The following IQCM variants were observed in gnomAD, a reference collection of about 807,000 sequenced individuals.
IQCM encodes IQ domain-containing protein M.
Under a neutral mutation model 57.6 loss-of-function variants are expected in IQCM, and 45 were observed. The observed-to-expected ratio is 0.78, with a 90% confidence interval of 0.62 to 1.00. The LOEUF (loss-of-function observed/expected upper bound fraction) is 1.00, where lower values mean the gene tolerates loss of function less well. Ranked by LOEUF, IQCM falls within the 50% of genes least tolerant of loss-of-function variation. The pLI, the probability that IQCM is intolerant of heterozygous loss-of-function variation, is 0.00. For synonymous variants in IQCM, 148 were observed against 158.9 expected (o/e 0.93, Z 0.51); for missense variants, 468 against 511.6 (o/e 0.91, Z 0.82).
intron 2 of IQCM, among the ~76,000 whole-genome samples, chr4:149,805,704 T>C (rs1774015517): frequency 1.3e-5 from 2 of 152,042 alleles, no homozygotes; most frequent in Non-Finnish European, 1.5e-5. Flanking sequence ...AATTTGCAAA[T>C]GGTTAAATAT....
intron 9 of IQCM, among the ~76,000 whole-genome samples, chr4:149,574,322 C>G (rs917671022): frequency 2.0e-5 from 3 of 151,834 alleles, no homozygotes; most frequent in African/African-American, 7.3e-5. Flanking sequence ...TAAAGAGTCT[C>G]CATACAACTC....
At chr4:149,472,726 A>G (rs535905556) in intron 12 of IQCM, among the ~76,000 whole-genome samples, 4 of 152,220 alleles carry the variant, frequency 2.6e-5, no homozygotes, top group Non-Finnish European at 5.9e-5. Flanking sequence ...AAACTATACT[A>G]CAAGGCTACA....
chr4:149,785,829 A>C (rs1772031316), intron 2 of IQCM, among the ~76,000 whole-genome samples: 1 of 151,912 alleles, frequency 6.6e-6, no homozygotes, highest in African/African-American at 2.4e-5. Context: ...TAAAAAAAAA[A>C]AAAAATCTTA....
chr4:149,401,887 G>C (rs951315523), intron 13 of IQCM, among the ~76,000 whole-genome samples: 2 of 151,694 alleles, frequency 1.3e-5, no homozygotes, highest in Non-Finnish European at 3.0e-5. Flanking sequence ...CTAGGATATT[G>C]AGAGCATTTT....
At chr4:149,744,955 A>G (rs2149917102) in intron 2 of IQCM, among the ~76,000 whole-genome samples, 1 of 152,294 alleles carries the variant, frequency 6.6e-6, no homozygotes, top group Middle Eastern at 3.4e-3. Context: ...CGTGAGTACT[A>G]TGAGTTCAAA....
intron 13 of IQCM, among the ~76,000 whole-genome samples, chr4:149,400,167 G>C (rs1732515523): frequency 6.7e-6 from 1 of 149,950 alleles, no homozygotes; most frequent in Admixed American, 6.7e-5. Context: ...AGAAGAGAAT[G>C]TGAGTAGGTT....
chr4:149,482,912 T>A (rs760165167), intron 12 of IQCM, among the ~76,000 whole-genome samples: 1 of 151,832 alleles, frequency 6.6e-6, no homozygotes, highest in Non-Finnish European at 1.5e-5. Flanking sequence ...TTTTCATTAC[T>A]GGTAGATGTT....
intron 13 of IQCM, among the ~76,000 whole-genome samples, chr4:149,388,452 T>C (rs1407214694): frequency 2.0e-5 from 3 of 147,976 alleles, no homozygotes; most frequent in African/African-American, 7.4e-5. Context: ...CTAAAGATAC[T>C]GAGTGTCTTT....
At chr4:149,500,488 G>T (rs981919137) in intron 12 of IQCM, among the ~76,000 whole-genome samples, 3 of 152,124 alleles carry the variant, frequency 2.0e-5, no homozygotes, top group Non-Finnish European at 2.9e-5. Context: ...CTGAAATAGA[G>T]ATGGCTGAGG....
rs1232184725 is a variant in IQCM, at chr4:149,587,979, T to C, written c.700A>G (p.Ile234Val). 1 of 1,224,672 alleles carries C rather than the reference T, an allele frequency of 8.2e-7. No individual in the cohort carries two copies. The highest frequency in any genetic ancestry group is 4.2e-5 in the Admixed American group (1 of 23,578). 75.9% of individuals were successfully genotyped at this position (1,224,672 alleles called of 1,614,324 possible). A position where few individuals can be genotyped will look rare whatever the true frequency, so the allele number is the denominator to read the frequency against. ...DYYSKTFKTL[I>V]KKERQPIKPE... ...TTGATAGGTTGTCGCTCCTTTTTAA[T>C]AAGGGTTTTAAAGGTTTTCTATAAT... The change falls in exon 9 of 14, where the codon ATT (isoleucine) becomes GTT (valine). Residue 234 changes from isoleucine (I) to valine (V), a missense_variant. Ile to Val is a conservative substitution (Grantham distance 29). Transcript: ENST00000636793.
chr4:149,788,249 G>A (rs1018532246), intron 2 of IQCM, among the ~76,000 whole-genome samples: 2 of 152,144 alleles, frequency 1.3e-5, no homozygotes, highest in East Asian at 1.9e-4. Context: ...CAGGAGGATC[G>A]CTTGAACCCA....
chr4:149,676,280 T>A (rs1761743534), intron 7 of IQCM, among the ~76,000 whole-genome samples: 1 of 152,056 alleles, frequency 6.6e-6, no homozygotes, highest in Non-Finnish European at 1.5e-5. Flanking sequence ...CACTTCCACT[T>A]CCTGAATTCA....
intron 12 of IQCM, among the ~76,000 whole-genome samples, chr4:149,504,803 C>T (rs1000796262): frequency 1.3e-5 from 2 of 152,124 alleles, no homozygotes; most frequent in Non-Finnish European, 2.9e-5. Flanking sequence ...ATCTCAGCTA[C>T]TCAGGAGGCT....
In IQCM at chr4:149,403,135, T is replaced by G. The variant is rs186889773; in HGVS notation, c.1390+30261A>C. On this transcript the variant is annotated intron_variant, in intron 13 of 13. Transcript: ENST00000636793. The stretch of plus-strand genomic sequence containing the variant: ...AATATTTTGATTATCTTCAGTGTTT[T>G]ATTTCTTAAGACTGAATTTAGCTGG... Among the ~76,000 whole-genome samples, 4 of 152,138 alleles carry G rather than the reference T, an allele frequency of 2.6e-5. No homozygotes were observed. In the East Asian group the frequency reaches 7.7e-4, roughly 29 times the overall value.
chr4:149,455,245 G>A (rs1162772487), intron 12 of IQCM, among the ~76,000 whole-genome samples: 1 of 152,044 alleles, frequency 6.6e-6, no homozygotes, highest in Non-Finnish European at 1.5e-5. Context: ...GCTGTAAGAT[G>A]AGTCAGGTTC....
intron 13 of IQCM, among the ~76,000 whole-genome samples, chr4:149,409,228 G>A (rs764986455): frequency 3.3e-5 from 5 of 152,196 alleles, no homozygotes; most frequent in Non-Finnish European, 5.9e-5. Flanking sequence ...GGCCTCAGAT[G>A]TTACAAATGA....
At chr4:149,604,449 C>G (rs1203468305) in intron 8 of IQCM, among the ~76,000 whole-genome samples, 1 of 152,080 alleles carries the variant, frequency 6.6e-6, no homozygotes, top group Non-Finnish European at 1.5e-5. Context: ...AAAGATCCAT[C>G]TATTGTTTAA....
intron 13 of IQCM, among the ~76,000 whole-genome samples, chr4:149,359,166 C>T (rs998915593): frequency 2.6e-5 from 4 of 151,906 alleles, no homozygotes; most frequent in African/African-American, 9.7e-5. Flanking sequence ...GCTCGTTGGT[C>T]CCCAAGAACA....
intron 8 of IQCM, among the ~76,000 whole-genome samples, chr4:149,606,452 C>T (rs983394956): frequency 2.6e-5 from 4 of 152,018 alleles, no homozygotes; most frequent in Non-Finnish European, 5.9e-5. Context: ...ACAAACAAGC[C>T]CAAACCACAA....
Sources: gnomAD v4.1 joint callset for allele counts (sites outside exome capture counted in the v4.1 genomes callset) on GRCh38, gnomAD v4.1.1 for gene constraint, MANE v1.5 for transcripts, NCBI Gene and HGNC (gene_info 2026-07-23, HGNC 2026-07-21) for gene names.